The following SMC6 variants were observed in gnomAD, a reference collection of about 807,000 sequenced individuals.
The protein encoded by SMC6 is structural maintenance of chromosomes 6.
A neutral mutation model predicts 142.2 loss-of-function variants in SMC6; 79 were observed. The observed-to-expected ratio is 0.56, with a 90% CI of 0.46 to 0.67. SMC6 has a LOEUF of 0.67. SMC6 is among the 30% of genes least tolerant of loss of function. The pLI, the probability that SMC6 is intolerant of heterozygous loss-of-function variation, is 0.00. For missense variants in SMC6, 1,072 were observed against 1,284.0 expected (o/e 0.83, Z 2.52); for synonymous variants, 411 against 412.4 (o/e 1.00, Z 0.04).
chr2:17,716,957 C>T lies in SMC6; in HGVS notation c.1182-52G>A, dbSNP rs541572333. On this transcript the variant is annotated intron_variant, in intron 13 of 27. Transcript: ENST00000448223. ...AATGTTAGTTCAATGAACAGCCTAA[C>T]ATTTAAAGAACACAAACCGATGTAA... The T allele has an allele frequency of 2.0e-5, 31 of 1,557,856 alleles. No individual in the cohort carries two copies. In the Admixed American group the frequency reaches 4.1e-4, roughly 21 times the overall value.
intron 21 of SMC6, among the ~76,000 whole-genome samples, chr2:17,698,869 G>A (rs1289664610): frequency 6.6e-6 from 1 of 151,944 alleles, no homozygotes; most frequent in Non-Finnish European, 1.5e-5. Context: ...GCTGCTGTAG[G>A]TATTACATTA....
At chr2:17,753,218 GC>G (rs2125104528) in intron 1 of SMC6, among the ~76,000 whole-genome samples, 154 bp from the exon 2 acceptor site, 1 of 133,238 alleles carries the variant, frequency 7.5e-6, no homozygotes, top group East Asian at 2.0e-4. Context: ...CACACCAGTT[GC>G]CGCCTGCGAG....
intron 24 of SMC6, chr2:17,681,086 T>C: frequency 6.6e-6 from 1 of 152,268 alleles, no homozygotes; most frequent in East Asian, 1.9e-4. Context: ...ACATCAGCGC[T>C]TGCTGTTTCA....
At position 17,727,110 on chromosome 2, in the gene SMC6, C is replaced by T. The variant is rs114961450; in HGVS notation, c.544-641G>A. ...CATTGCTTGAATGAAACTACCTTTG[C>T]CTAACGTGATGGTTATTACTGAGTG... On this transcript the variant is annotated intron_variant, in intron 7 of 27. Coordinates refer to ENST00000448223, the MANE Select transcript of SMC6 (RefSeq NM_001142286.2). Among the ~76,000 whole-genome samples the T allele has an allele frequency of 6.9e-3, 1,049 of 152,226 alleles. 10 individuals carry two copies. The highest frequency in any genetic ancestry group is 0.025 in the South Asian group (121 of 4,828).
At chr2:17,721,609 G>C (rs1228739029) in intron 9 of SMC6, among the ~76,000 whole-genome samples, 1 of 151,964 alleles carries the variant, frequency 6.6e-6, no homozygotes, top group African/African-American at 2.4e-5. Context: ...CCTCAAAGCA[G>C]AGTCAATAGG....
At chr2:17,743,127 G>C (rs1670559840) in intron 3 of SMC6, among the ~76,000 whole-genome samples, 1 of 151,940 alleles carries the variant, frequency 6.6e-6, no homozygotes, top group Non-Finnish European at 1.5e-5. Context: ...TATATTTTAT[G>C]GTATGGATGT....
At position 17,721,234 on chromosome 2, in the gene SMC6, C is replaced by T. The variant is rs1317526518; in HGVS notation, c.754G>A (p.Val252Ile). Residue 252 changes from valine (V) to isoleucine (I), a missense_variant, in exon 10 of 28, where the codon GTA becomes ATA. Transcript: ENST00000448223. ...CTTTGAAAACGTTCCTCTTTCTCTA[C>T]ACACTGGCGCTTTAGTTCAGTAAGC... ...ERLTELKRQCVEKEERFQSIA... is the reference protein window; with the variant it reads ...ERLTELKRQCIEKEERFQSIA... 2 of 1,605,388 alleles carry T rather than the reference C, an allele frequency of 1.2e-6. No homozygotes were observed. Among genetic ancestry groups the T allele is most frequent in the East Asian group, 2.2e-5 (1 of 44,776 alleles).
intron 4 of SMC6, among the ~76,000 whole-genome samples, chr2:17,740,544 C>A (rs1670387764): frequency 6.6e-6 from 1 of 152,132 alleles, no homozygotes; most frequent in Non-Finnish European, 1.5e-5. Context: ...GTGGCCATGC[C>A]ATTCCTTTAC....
intron 23 of SMC6, among the ~76,000 whole-genome samples, chr2:17,691,466 C>T (rs1399340658): frequency 1.3e-5 from 2 of 148,262 alleles, no homozygotes; most frequent in Non-Finnish European, 3.0e-5. Context: ...CGACAAAAAA[C>T]ACATGACTCT....
chr2:17,724,990 A>G (rs112405834), intron 9 of SMC6, among the ~76,000 whole-genome samples: 35 of 152,348 alleles, frequency 2.3e-4, no homozygotes, highest in African/African-American at 8.4e-4. Flanking sequence ...CTATCAGAGG[A>G]TAAGTATGTA....
chr2:17,738,965 A>G (rs1670292990), intron 4 of SMC6, among the ~76,000 whole-genome samples: 1 of 151,938 alleles, frequency 6.6e-6, no homozygotes. Flanking sequence ...CACTGTTAAC[A>G]TCCCTCAAAA....
intron 9 of SMC6, among the ~76,000 whole-genome samples, 170 bp from the exon 10 acceptor site, chr2:17,721,431 T>G (rs983497164): frequency 2.6e-5 from 4 of 152,240 alleles, no homozygotes; most frequent in Non-Finnish European, 5.9e-5. Flanking sequence ...ATACTTTTAG[T>G]AAGTCCAATA....
chr2:17,703,022 T>C (rs1668344470), intron 19 of SMC6, 135 bp downstream of exon 19: 1 of 468,994 alleles, frequency 2.1e-6, no homozygotes, highest in Non-Finnish European at 3.7e-6. Context: ...AAATGAAAGC[T>C]CTTTGATGAG....
intron 5 of SMC6, among the ~76,000 whole-genome samples, chr2:17,734,898 ATT>A (rs891361613): frequency 6.6e-6 from 1 of 152,070 alleles, no homozygotes; most frequent in African/African-American, 2.4e-5. Flanking sequence ...CATCCAGCTA[ATT>A]TTTGTATTTT....
At chr2:17,732,992 A>G (rs1449153160) in intron 5 of SMC6, among the ~76,000 whole-genome samples, 2 of 152,204 alleles carry the variant, frequency 1.3e-5, no homozygotes, top group African/African-American at 2.4e-5. Flanking sequence ...CTGATGAAGG[A>G]CATTAATAAA....
At chr2:17,737,188 G>A (rs1292659512) in intron 5 of SMC6, among the ~76,000 whole-genome samples, 2 of 152,074 alleles carry the variant, frequency 1.3e-5, no homozygotes, top group African/African-American at 4.8e-5. Flanking sequence ...CTTGGCTTAA[G>A]GTTAAGATTC....
At chr2:17,708,601 C>A (rs750669991) in intron 17 of SMC6, 38 bp downstream of exon 17, 12 of 1,113,076 alleles carry the variant, frequency 1.1e-5, no homozygotes, top group Non-Finnish European at 1.4e-5. Flanking sequence ...AAAAATTTAA[C>A]AATAACATCA....
chr2:17,722,619 C>T (rs748374563), intron 9 of SMC6, among the ~76,000 whole-genome samples: 1 of 152,162 alleles, frequency 6.6e-6, no homozygotes, highest in Admixed American at 6.6e-5. Flanking sequence ...CTGAAACCCA[C>T]CTTGCCATAG....
At chr2:17,681,609 G>T (rs1172172879) in intron 24 of SMC6, 1 of 152,138 alleles carries the variant, frequency 6.6e-6, no homozygotes, top group African/African-American at 2.4e-5. Context: ...GAGACCCAAG[G>T]GGACAGAGAG....
Sources: allele counts gnomAD v4.1 joint callset (sites outside exome capture counted in the v4.1 genomes callset), GRCh38; gene constraint gnomAD v4.1.1; transcripts MANE v1.5; gene names NCBI Gene and HGNC (gene_info 2026-07-23, HGNC 2026-07-21).